CNBD1: variants seen among roughly 807,000 people sequenced by gnomAD.
CNBD1 encodes cyclic nucleotide-binding domain-containing protein 1.
In CNBD1, 71 loss-of-function variants were observed where a neutral mutation model predicts 54.4. The ratio of observed to expected loss-of-function variants is 1.30; its 90% CI spans 1.08 to 1.59. CNBD1 has a LOEUF of 1.59. Among genes scored for constraint, CNBD1 ranks in the 40% most tolerant of loss-of-function variants. The pLI is 0.00. For missense variants in CNBD1, 659 were observed against 518.0 expected, an observed-to-expected ratio of 1.27 and a Z score of -2.64; for synonymous variants, 182 against 170.7, an observed-to-expected ratio of 1.07 and a Z score of -0.51.
At chr8:87,338,742 G>T (rs1277795533) in intron 8 of CNBD1, among the ~76,000 whole-genome samples, 1 of 151,674 alleles carries the variant, frequency 6.6e-6, no homozygotes, top group Non-Finnish European at 1.5e-5. Flanking sequence ...TCCTGGATCT[G>T]TGGTTTGATC....
At chr8:87,137,048 TTATATATATTATATTTATATTCTATG>T (rs1812261042) in intron 4 of CNBD1, among the ~76,000 whole-genome samples, 1 of 42,990 alleles carries the variant, frequency 2.3e-5, no homozygotes, top group Non-Finnish European at 4.0e-5. Context: ...TCTATGTAAA[TTATATATATTATATTTATATTCTATG>T]TAAATTATAT....
intron 2 of CNBD1, among the ~76,000 whole-genome samples, chr8:87,426,019 G>T (rs978169707): frequency 5.3e-5 from 8 of 152,200 alleles, no homozygotes; most frequent in Non-Finnish European, 1.0e-4. Flanking sequence ...ATAATCTCGT[G>T]GTGCACCGTT....
Position 86,912,853 on chromosome 8 carries a change from A to G in CNBD1, c.272+7659A>G, listed in dbSNP as rs115042449. On this transcript the variant is annotated intron_variant, in intron 3 of 10. Transcript: ENST00000518476. ...CCAGGGGGACAAGACATGGGTGTGGAAGACAGTGATATCAATGATCCTGAC... is the reference window on the plus strand; with the variant it reads ...CCAGGGGGACAAGACATGGGTGTGGGAGACAGTGATATCAATGATCCTGAC... Among the ~76,000 whole-genome samples, 1,092 of 152,300 alleles carry G rather than the reference A, an allele frequency of 7.2e-3. 4 individuals carry two copies. The highest frequency in any genetic ancestry group is 0.027 in the Middle Eastern group (8 of 294).
chr8:87,390,968 A>G (rs1811296705), intron 2 of CNBD1, among the ~76,000 whole-genome samples: 1 of 152,092 alleles, frequency 6.6e-6, no homozygotes. Context: ...GGAAACCATC[A>G]TTCTCAGCAA....
intron 4 of CNBD1, among the ~76,000 whole-genome samples, chr8:87,199,859 G>T (rs1813816989): frequency 6.6e-6 from 1 of 152,010 alleles, no homozygotes; most frequent in Non-Finnish European, 1.5e-5. Context: ...AATAATTAAT[G>T]TAAATAACAC....
chr8:87,102,373 C>A (rs930662017), intron 4 of CNBD1, among the ~76,000 whole-genome samples: 1 of 152,094 alleles, frequency 6.6e-6, no homozygotes, highest in Non-Finnish European at 1.5e-5. Flanking sequence ...GGCGAGAATT[C>A]GTATGAATTC....
chr8:87,142,634 A>C (rs1475594960), intron 4 of CNBD1, among the ~76,000 whole-genome samples: 1 of 152,204 alleles, frequency 6.6e-6, no homozygotes, highest in Non-Finnish European at 1.5e-5. Context: ...CATATGCAAA[A>C]GTGTACATTG....
intron 1 of CNBD1, among the ~76,000 whole-genome samples, chr8:86,884,209 C>A (rs1190836976): frequency 1.3e-5 from 2 of 151,904 alleles, no homozygotes; most frequent in African/African-American, 4.8e-5. Context: ...TTTCATGTGT[C>A]CCCACCACTC....
chr8:87,183,589 G>A (rs893253114), intron 4 of CNBD1, among the ~76,000 whole-genome samples: 2 of 152,084 alleles, frequency 1.3e-5, no homozygotes, highest in African/African-American at 4.8e-5. Context: ...TGGTCATCTA[G>A]AGGTAAGAAG....
At chr8:87,005,212 A>T (rs576521327) in intron 4 of CNBD1, among the ~76,000 whole-genome samples, 26 of 152,162 alleles carry the variant, frequency 1.7e-4, no homozygotes, top group Admixed American at 1.6e-3. Context: ...TCTACTAAAA[A>T]TATAAAAATT....
intron 6 of CNBD1, among the ~76,000 whole-genome samples, chr8:87,247,065 A>G: frequency 6.6e-6 from 1 of 152,202 alleles, no homozygotes; most frequent in African/African-American, 2.4e-5. Context: ...TCACAAAGGT[A>G]GGATATTGGA....
At chr8:87,113,872 T>A (rs1811716554) in intron 4 of CNBD1, among the ~76,000 whole-genome samples, 1 of 151,230 alleles carries the variant, frequency 6.6e-6, no homozygotes, top group Non-Finnish European at 1.5e-5. Context: ...TGAGCCGAGA[T>A]CGCGCCACTG....
chr8:86,886,806 T>A (rs1024540093), intron 1 of CNBD1, among the ~76,000 whole-genome samples: 6 of 152,186 alleles, frequency 3.9e-5, no homozygotes, highest in Non-Finnish European at 8.8e-5. Flanking sequence ...TATTTTTTTT[T>A]ACAACAGTTC....
chr8:87,306,968 A>G (rs990602508), intron 8 of CNBD1, among the ~76,000 whole-genome samples: 6 of 152,184 alleles, frequency 3.9e-5, no homozygotes, highest in Admixed American at 1.3e-4. Context: ...AATGTACTCA[A>G]TAACTATATC....
intron 8 of CNBD1, among the ~76,000 whole-genome samples, chr8:87,294,662 T>C (rs930919985): frequency 6.6e-6 from 1 of 152,212 alleles, no homozygotes; most frequent in African/African-American, 2.4e-5. Context: ...AATTCACATT[T>C]TCATTGATAG....
intron 8 of CNBD1, among the ~76,000 whole-genome samples, chr8:87,304,062 G>A (rs1377274370): frequency 6.6e-6 from 1 of 152,146 alleles, no homozygotes; most frequent in African/African-American, 2.4e-5. Context: ...TTCAACCATT[G>A]TGGAAGTCAG....
At chr8:87,225,621 G>T (rs1200245695) in intron 5 of CNBD1, among the ~76,000 whole-genome samples, 1 of 152,132 alleles carries the variant, frequency 6.6e-6, no homozygotes, top group Admixed American at 6.5e-5. Flanking sequence ...GCTTTTTGAG[G>T]TGCTGCTGGA....
chr8:87,063,845 G>C (rs1810592663), intron 4 of CNBD1, among the ~76,000 whole-genome samples: 2 of 151,526 alleles, frequency 1.3e-5, no homozygotes, highest in South Asian at 4.2e-4. Context: ...ATTTCTAGCA[G>C]TTTTATATTT....
intron 4 of CNBD1, among the ~76,000 whole-genome samples, chr8:86,954,976 C>G (rs1807723367): frequency 8.6e-6 from 1 of 115,968 alleles, no homozygotes. Context: ...AATGCAATCC[C>G]TCCCCCCTCC....
Sources: gnomAD v4.1 joint callset for allele counts (sites outside exome capture counted in the v4.1 genomes callset) on GRCh38, gnomAD v4.1.1 for gene constraint, MANE v1.5 for transcripts, NCBI Gene and HGNC (gene_info 2026-07-23, HGNC 2026-07-21) for gene names.